ARAP2: variants seen among roughly 807,000 people sequenced by gnomAD.
ARAP2 encodes arf-GAP with Rho-GAP domain, ANK repeat and PH domain-containing protein 2.
In ARAP2, 148 loss-of-function variants were observed where a neutral mutation model predicts 194.5. The ratio of observed to expected loss-of-function variants is 0.76; its 90% confidence interval spans 0.67 to 0.87. ARAP2 has a LOEUF of 0.87. ARAP2 is among the 40% of genes least tolerant of loss of function. The pLI, the probability that ARAP2 is intolerant of heterozygous loss-of-function variation, is 0.00. For synonymous variants in ARAP2, 695 were observed against 683.5 expected (o/e 1.02, Z -0.26); for missense variants, 2,128 against 1,989.7 (o/e 1.07, Z -1.32).
rs112046124 is a variant in ARAP2 at position 36,220,228 on chromosome 4, C to CGTGT, written c.906-5752_906-5749dup. On this transcript the variant is annotated intron_variant, in intron 2 of 32. Transcript: ENST00000303965. The stretch of plus-strand genomic sequence containing the variant: ...TCTCAGATTTTTACATATAGGCACA[C>CGTGT]GTGTGTGTGTGTGTGTGTGTGTACA... 8.0e-4 allele frequency among the ~76,000 whole-genome samples: 119 copies of CGTGT among 149,642 alleles called. 2 individuals carry two copies. The highest frequency in any genetic ancestry group is 3.4e-3 in the South Asian group (16 of 4,742).
intron 32 of ARAP2, among the ~76,000 whole-genome samples, chr4:36,071,196 A>C (rs1487812198): frequency 1.3e-5 from 2 of 152,208 alleles, no homozygotes; most frequent in Non-Finnish European, 2.9e-5. Context: ...TATGTTAAAG[A>C]TATGCTAGTC....
rs568370629 is a variant in ARAP2, at chr4:36,011,942, G to A, written n.1325+621C>T. Among the ~76,000 whole-genome samples, 31 of 152,066 alleles carry A rather than the reference G, an allele frequency of 2.0e-4. No individual in the cohort carries two copies. The South Asian group carries it at 6.2e-3, about 31-fold the overall frequency. On this transcript the variant is annotated intron_variant and non_coding_transcript_variant, in intron 9 of 12. Coordinates refer to the ARAP2 transcript ENST00000503225. ...TTTCAAAATTATTAATGATAATAATGCATTATTATTTCACAATTTAAAGCA... is the reference window on the plus strand; with the variant it reads ...TTTCAAAATTATTAATGATAATAATACATTATTATTTCACAATTTAAAGCA...
chr4:36,222,382 C>T (rs1484017237), intron 2 of ARAP2, among the ~76,000 whole-genome samples: 1 of 151,980 alleles, frequency 6.6e-6, no homozygotes, highest in African/African-American at 2.4e-5. Context: ...AAAATGAACA[C>T]TTCATATTTG....
At chr4:36,216,105 A>C (rs1747884645) in intron 2 of ARAP2, among the ~76,000 whole-genome samples, 1 of 151,530 alleles carries the variant, frequency 6.6e-6, no homozygotes. Flanking sequence ...AAACAACGAA[A>C]ATTAGCTGGG....
intron 11 of ARAP2, 70 bp downstream of exon 11, chr4:36,164,844 T>C: frequency 7.0e-7 from 1 of 1,434,276 alleles, no homozygotes; most frequent in Non-Finnish European, 9.8e-7. Flanking sequence ...ATATATAATA[T>C]GCAACAATGA....
chr4:36,205,712 T>G (rs1353346372), intron 6 of ARAP2, among the ~76,000 whole-genome samples: 1 of 152,190 alleles, frequency 6.6e-6, no homozygotes, highest in Non-Finnish European at 1.5e-5. Flanking sequence ...CTCACACATT[T>G]ATGTGAAAAA....
At chr4:36,060,380 A>C (rs1724235004) in intron 1 of ARAP2, among the ~76,000 whole-genome samples, 1 of 152,088 alleles carries the variant, frequency 6.6e-6, no homozygotes, top group South Asian at 2.1e-4. Context: ...ATATTATTTT[A>C]GTGTTCATGT....
intron 5 of ARAP2, among the ~76,000 whole-genome samples, chr4:36,032,681 CTT>C (rs928016209): frequency 1.3e-5 from 2 of 151,752 alleles, no homozygotes; most frequent in African/African-American, 4.8e-5. Flanking sequence ...TATTTTTTAA[CTT>C]TTATTTTAAG....
chr4:36,229,917 T>G (rs1256712892), intron 1 of ARAP2, among the ~76,000 whole-genome samples: 1 of 152,200 alleles, frequency 6.6e-6, no homozygotes, highest in Non-Finnish European at 1.5e-5. Flanking sequence ...TATCAAAAAC[T>G]TTATTCAACT....
chr4:36,213,295 G>C lies in ARAP2; in HGVS notation c.989C>G (p.Ser330Cys). 1.2e-6 allele frequency: 2 copies of C among 1,608,258 alleles called. No homozygotes were observed. Among genetic ancestry groups the C allele is most frequent in the Non-Finnish European group, 1.7e-6 (2 of 1,175,108 alleles). Residue 330 changes from serine (S) to cysteine (C), a missense_variant, in exon 4 of 33, where the codon TCC becomes TGC. Coordinates refer to ENST00000303965, the MANE Select transcript of ARAP2 (RefSeq NM_015230.4). ...AAAGGTCTCTCCATAAGGAAAGATG[G>C]AAGATGAATTCTCCTCATTTGAATC... ...WQNSNEENSSSIFPYGETFLF... is the reference protein window; with the variant it reads ...WQNSNEENSSCIFPYGETFLF...
chr4:36,088,850 G>A (rs916979261), intron 28 of ARAP2, among the ~76,000 whole-genome samples: 3 of 151,992 alleles, frequency 2.0e-5, no homozygotes, highest in African/African-American at 7.2e-5. Flanking sequence ...GTTAAAGTCT[G>A]GTCTTTCTTT....
intron 6 of ARAP2, among the ~76,000 whole-genome samples, chr4:36,202,841 A>C (rs545048171): frequency 3.7e-4 from 56 of 152,356 alleles, no homozygotes; most frequent in African/African-American, 1.3e-3. Context: ...TGACCAGAGA[A>C]GTCGAGGACA....
At chr4:36,065,198 T>C (rs538501742), downstream of ARAP2, 74 of 359,800 alleles carry the variant, frequency 2.1e-4, no homozygotes, top group African/African-American at 1.6e-3. Flanking sequence ...CTCCACAAAC[T>C]TGATCTTCAG....
At chr4:36,129,958 C>T (rs1725017850) in intron 20 of ARAP2, among the ~76,000 whole-genome samples, 1 of 151,940 alleles carries the variant, frequency 6.6e-6, no homozygotes, top group African/African-American at 2.4e-5. Flanking sequence ...TTATCTTGTT[C>T]CTCTCTGCCT....
intron 26 of ARAP2, among the ~76,000 whole-genome samples, chr4:36,111,317 T>C (rs147579044): frequency 2.6e-4 from 40 of 152,042 alleles, no homozygotes; most frequent in African/African-American, 9.1e-4. Flanking sequence ...TGTTACTAGA[T>C]ATAAAGCCTT....
intron 2 of ARAP2, among the ~76,000 whole-genome samples, chr4:36,218,008 G>A (rs947243491): frequency 2.6e-5 from 4 of 151,762 alleles, no homozygotes; most frequent in African/African-American, 9.7e-5. Flanking sequence ...GAAAAACAAA[G>A]GACCAATAAT....
Position 36,014,305 on chromosome 4 carries a change from G to A in ARAP2, n.1056+1081C>T, listed in dbSNP as rs200833399. 5.9e-3 allele frequency among the ~76,000 whole-genome samples: 546 copies of A among 92,870 alleles called. 15 individuals carry two copies. The highest frequency in any genetic ancestry group is 0.012 in the African/African-American group (222 of 17,862). 60.9% of individuals were successfully genotyped at this position (92,870 alleles called of 152,430 possible). A position where few individuals can be genotyped will look rare whatever the true frequency, so the allele number is the denominator to read the frequency against. ...AGAAAGAAAGAAAGAAAGAAGAGAA[G>A]GAAGGAAAGAAAGAAAGAGAGAAAG... On this transcript the variant is annotated intron_variant and non_coding_transcript_variant, in intron 8 of 12. Transcript: ENST00000503225.
intron 3 of ARAP2, among the ~76,000 whole-genome samples, chr4:36,213,928 T>A (rs1747340669): frequency 6.6e-6 from 1 of 152,128 alleles, no homozygotes; most frequent in South Asian, 2.1e-4. Flanking sequence ...GCAAAAATTT[T>A]TCTTAAAAAT....
intron 11 of ARAP2, among the ~76,000 whole-genome samples, chr4:36,162,107 CA>C (rs11346353): frequency 0.81 from 110,080 of 135,412 alleles, 43,593 homozygotes; most frequent in East Asian, 0.91. Context: ...GACTCCGTCT[CA>C]AAAAAAAAAA....
Sources: allele counts gnomAD v4.1 joint callset (sites outside exome capture counted in the v4.1 genomes callset), GRCh38; gene constraint gnomAD v4.1.1; transcripts MANE v1.5; gene names NCBI Gene and HGNC (gene_info 2026-07-23, HGNC 2026-07-21).